CDK14: variants seen among roughly 807,000 people sequenced by gnomAD.
The protein encoded by CDK14 is cyclin dependent kinase 14, also known as cyclin-dependent kinase 14.
In CDK14, 34 loss-of-function variants were observed where a neutral mutation model predicts 60.7. The observed-to-expected ratio is 0.56, with a 90% CI of 0.43 to 0.75. The LOEUF is 0.75. Ranked by LOEUF, CDK14 falls within the 30% of genes least tolerant of loss-of-function variation. The pLI, the probability that CDK14 is intolerant of heterozygous loss-of-function variation, is 0.00. For missense variants in CDK14, 482 were observed against 564.1 expected (o/e 0.85, Z 1.47); for synonymous variants, 197 against 203.7 (o/e 0.97, Z 0.28).
chr7:91,016,850 A>G (rs1796314878), intron 10 of CDK14, among the ~76,000 whole-genome samples: 1 of 152,220 alleles, frequency 6.6e-6, no homozygotes. Context: ...GTCTATAGTA[A>G]CTTCGCATAC....
chr7:91,006,570 G>A (rs1584223221), intron 10 of CDK14, among the ~76,000 whole-genome samples: 1 of 151,622 alleles, frequency 6.6e-6, no homozygotes, highest in African/African-American at 2.4e-5. Flanking sequence ...ATTTGATCTT[G>A]TCTTTGTGAT....
intron 14 of CDK14, among the ~76,000 whole-genome samples, chr7:91,166,445 T>C (rs773970093): frequency 3.9e-5 from 6 of 152,228 alleles, no homozygotes; most frequent in Non-Finnish European, 8.8e-5. Context: ...TAATTAATTT[T>C]TTAAAAAGAA....
chr7:90,813,383 T>G (rs886611369), intron 5 of CDK14, among the ~76,000 whole-genome samples: 1 of 152,174 alleles, frequency 6.6e-6, no homozygotes, highest in Non-Finnish European at 1.5e-5. Flanking sequence ...CTGAAAACTA[T>G]TGAATTGTAT....
rs186639694 is a variant in CDK14, at chr7:91,006,465, G to C, written c.1041+22224G>C. ...TAGAAATTCCTTACTACCAACACAC[G>C]TGCTACTAAATTCATTTTCTTAATT... On this transcript the variant is annotated intron_variant, in intron 10 of 14. Coordinates refer to ENST00000380050, the MANE Select transcript of CDK14 (RefSeq NM_001287135.2). Among the ~76,000 whole-genome samples, 13 of 152,148 alleles carry C rather than the reference G, an allele frequency of 8.5e-5. No homozygotes were observed. The East Asian group carries it at 2.5e-3, about 29-fold the overall frequency.
Position 90,689,507 on chromosome 7 carries a change from T to C in CDK14, c.124-37060T>C, listed in dbSNP as rs115049222. The stretch of plus-strand genomic sequence containing the variant: ...AATGAATGAAAATGAAAATGTTTAA[T>C]TGAACTGTGTAGTCTGTGAGCCCTT... On this transcript the variant is annotated intron_variant, in intron 2 of 14. Transcript: ENST00000380050. Among the ~76,000 whole-genome samples, 1,073 of 152,168 alleles carry C rather than the reference T, an allele frequency of 7.1e-3. 22 individuals are homozygous for C. Among genetic ancestry groups the C allele is most frequent in the African/African-American group, 0.025 (1,028 of 41,528 alleles).
chr7:91,037,243 A>G (rs923776382), intron 10 of CDK14, among the ~76,000 whole-genome samples: 2 of 152,206 alleles, frequency 1.3e-5, no homozygotes, highest in Non-Finnish European at 2.9e-5. Context: ...AGCCATCAGA[A>G]TACTACACAT....
chr7:90,987,694 TA>T, intron 10 of CDK14, among the ~76,000 whole-genome samples: 1 of 152,196 alleles, frequency 6.6e-6, no homozygotes, highest in Admixed American at 6.5e-5. Context: ...GGAAATTTTA[TA>T]AACCCAGTAT....
At chr7:91,039,763 T>C (rs1227759172) in intron 10 of CDK14, among the ~76,000 whole-genome samples, 1 of 152,070 alleles carries the variant, frequency 6.6e-6, no homozygotes, top group East Asian at 1.9e-4. Flanking sequence ...CCTTTCAACC[T>C]CTGCTTTTTC....
chr7:90,775,710 T>TCC (rs369912048), intron 4 of CDK14, among the ~76,000 whole-genome samples: 45,811 of 119,642 alleles, frequency 0.38, 9,577 homozygotes, highest in East Asian at 0.77. Flanking sequence ...CTCCTTTTCC[T>TCC]TCTCCTCCTC....
At chr7:90,926,650 G>T (rs1466135588) in intron 8 of CDK14, among the ~76,000 whole-genome samples, 1 of 152,084 alleles carries the variant, frequency 6.6e-6, no homozygotes, top group African/African-American at 2.4e-5. Context: ...AACTTTTTGG[G>T]TTATTTCCCC....
At chr7:90,828,981 C>A (rs1369352150) in intron 5 of CDK14, among the ~76,000 whole-genome samples, 1 of 151,960 alleles carries the variant, frequency 6.6e-6, no homozygotes, top group African/African-American at 2.4e-5. Flanking sequence ...CTGGGGGAGG[C>A]CTCAGGAAAC....
At chr7:91,007,948 T>G (rs931916815) in intron 10 of CDK14, among the ~76,000 whole-genome samples, 2 of 151,964 alleles carry the variant, frequency 1.3e-5, no homozygotes, top group African/African-American at 2.4e-5. Flanking sequence ...AGATACTCCA[T>G]GTAAGAGTTG....
chr7:90,997,620 A>G (rs1795720753), intron 10 of CDK14, among the ~76,000 whole-genome samples: 1 of 152,164 alleles, frequency 6.6e-6, no homozygotes, highest in Non-Finnish European at 1.5e-5. Context: ...GCTCTAAGTA[A>G]AATTTGGTAT....
At chr7:90,965,400 A>C (rs764608838) in intron 9 of CDK14, among the ~76,000 whole-genome samples, 4 of 152,166 alleles carry the variant, frequency 2.6e-5, no homozygotes, top group African/African-American at 4.8e-5. Context: ...ATGTTAGACC[A>C]TGTTTCTGGA....
chr7:91,167,178 C>T (rs1284443292), intron 14 of CDK14, among the ~76,000 whole-genome samples: 5 of 152,342 alleles, frequency 3.3e-5, no homozygotes, highest in Admixed American at 2.6e-4. Flanking sequence ...AGTCTTTTGT[C>T]ACCGAACAAC....
At chr7:90,649,765 C>A (rs1188357026) in intron 2 of CDK14, among the ~76,000 whole-genome samples, 1 of 151,990 alleles carries the variant, frequency 6.6e-6, no homozygotes, top group African/African-American at 2.4e-5. Context: ...CCAGCTTCAT[C>A]CATGTCCCTG....
At chr7:90,624,954 G>A (rs1251293994) in intron 2 of CDK14, among the ~76,000 whole-genome samples, 4 of 152,092 alleles carry the variant, frequency 2.6e-5, no homozygotes, top group Non-Finnish European at 4.4e-5. Flanking sequence ...TCCTCATCTC[G>A]AACAGGAGGA....
At chr7:91,074,814 C>T (rs769660343) in intron 11 of CDK14, among the ~76,000 whole-genome samples, 3 of 151,888 alleles carry the variant, frequency 2.0e-5, no homozygotes, top group Non-Finnish European at 4.4e-5. Flanking sequence ...TGGGATATCA[C>T]CAGTGACCCC....
intron 5 of CDK14, among the ~76,000 whole-genome samples, chr7:90,807,841 G>A (rs976204459): frequency 1.3e-5 from 2 of 152,122 alleles, no homozygotes; most frequent in Non-Finnish European, 1.5e-5. Context: ...TAGCCAATTC[G>A]ATCAACTGGA....
Sources: gnomAD v4.1 joint callset for allele counts (sites outside exome capture counted in the v4.1 genomes callset) on GRCh38, gnomAD v4.1.1 for gene constraint, MANE v1.5 for transcripts, NCBI Gene and HGNC (gene_info 2026-07-23, HGNC 2026-07-21) for gene names.